Variants in TAFA1 observed in about 807,000 individuals in gnomAD.
TAFA1 encodes TAFA chemokine like family member 1.
Under a neutral mutation model 18.5 loss-of-function variants are expected in TAFA1, and 4 were observed. The ratio of observed to expected loss-of-function variants is 0.22; its 90% confidence interval spans 0.11 to 0.49. TAFA1 has a LOEUF of 0.49. Among genes scored for constraint, TAFA1 ranks in the 20% least tolerant of loss-of-function variants. The probability of loss-of-function intolerance (pLI) is 0.98; values close to 1 mark genes in which losing one functional copy is unlikely to be tolerated. For missense variants in TAFA1, 147 were observed against 169.0 expected (o/e 0.87, Z 0.72); for synonymous variants, 56 against 55.2 (o/e 1.01, Z -0.06).
chr3:68,285,789 T>TA (rs1383721075), intron 2 of TAFA1, among the ~76,000 whole-genome samples: 5 of 152,138 alleles, frequency 3.3e-5, no homozygotes, highest in Non-Finnish European at 7.4e-5. Context: ...GGTGAAATGA[T>TA]AAAAGTAATG....
intron 2 of TAFA1, among the ~76,000 whole-genome samples, chr3:68,207,145 T>A (rs528901878): frequency 6.6e-6 from 1 of 151,906 alleles, no homozygotes; most frequent in Non-Finnish European, 1.5e-5. Flanking sequence ...AAAGCAGTAT[T>A]TTTCAGCCCT....
intron 2 of TAFA1, among the ~76,000 whole-genome samples, chr3:68,118,434 T>C (rs1475620530): frequency 6.6e-6 from 1 of 152,146 alleles, no homozygotes; most frequent in African/African-American, 2.4e-5. Context: ...CACCTCCTGC[T>C]GTATGGCCCG....
intron 2 of TAFA1, among the ~76,000 whole-genome samples, chr3:68,263,581 C>T (rs1321782516): frequency 3.3e-5 from 5 of 151,804 alleles, no homozygotes; most frequent in East Asian, 1.9e-4. Flanking sequence ...CCTATGACCT[C>T]GCTTTACAGA....
At chr3:68,167,472 G>A (rs1267946322) in intron 2 of TAFA1, among the ~76,000 whole-genome samples, 1 of 151,748 alleles carries the variant, frequency 6.6e-6, no homozygotes, top group African/African-American at 2.4e-5. Flanking sequence ...AGCTACTCGG[G>A]AGGCTGAGGC....
intron 2 of TAFA1, among the ~76,000 whole-genome samples, chr3:68,140,123 G>T (rs1252465347): frequency 6.6e-6 from 1 of 152,176 alleles, no homozygotes; most frequent in Non-Finnish European, 1.5e-5. Context: ...AATTGAGGTG[G>T]CCTCAGTTAA....
chr3:68,432,173 T>C (rs1474756655), intron 3 of TAFA1, among the ~76,000 whole-genome samples: 1 of 151,786 alleles, frequency 6.6e-6, no homozygotes, highest in Non-Finnish European at 1.5e-5. Flanking sequence ...TCTTATAAAC[T>C]AGGGAAAAGG....
intron 2 of TAFA1, among the ~76,000 whole-genome samples, chr3:68,131,778 C>T (rs2065541574): frequency 6.6e-6 from 1 of 152,182 alleles, no homozygotes; most frequent in Non-Finnish European, 1.5e-5. Context: ...GGAATCCTGG[C>T]TCTGCCATTT....
upstream of TAFA1, among the ~76,000 whole-genome samples, chr3:68,002,708 T>G (rs1345144763): frequency 6.6e-6 from 1 of 152,202 alleles, no homozygotes; most frequent in African/African-American, 2.4e-5. Flanking sequence ...TTTATCCCAG[T>G]GTTTAAGAAT....
chr3:68,109,850 T>G (rs2065244237), intron 2 of TAFA1, among the ~76,000 whole-genome samples: 4 of 152,206 alleles, frequency 2.6e-5, no homozygotes, highest in Admixed American at 2.6e-4. Flanking sequence ...ATAAGAAGTC[T>G]GATGTTAGAA....
At chr3:68,395,314 G>T (rs1299621730) in intron 2 of TAFA1, among the ~76,000 whole-genome samples, 2 of 152,194 alleles carry the variant, frequency 1.3e-5, no homozygotes, top group African/African-American at 2.4e-5. Flanking sequence ...AGGATGTGGA[G>T]AAATAGGAAC....
At chr3:68,475,642 C>A (rs1380223775) in intron 3 of TAFA1, among the ~76,000 whole-genome samples, 2 of 152,148 alleles carry the variant, frequency 1.3e-5, no homozygotes, top group African/African-American at 4.8e-5. Flanking sequence ...GTCTTTATAG[C>A]AGCATGATTT....
rs1389299936 is a variant in TAFA1 at position 68,191,166 on chromosome 3, T to G, written c.118+184422T>G. Among the ~76,000 whole-genome samples the G allele has an allele frequency of 2.0e-5, 3 of 151,996 alleles. No homozygotes were observed. The East Asian group carries it at 5.8e-4, about 30-fold the overall frequency. On this transcript the variant is annotated intron_variant, in intron 2 of 4. Coordinates refer to ENST00000478136, the MANE Select transcript of TAFA1 (RefSeq NM_213609.4). ...TGTGTCTATCTTGTTTTTGTTTTGTTCTGTCTTTCCATTTTTAAATTCTGT... is the reference window on the plus strand; with the variant it reads ...TGTGTCTATCTTGTTTTTGTTTTGTGCTGTCTTTCCATTTTTAAATTCTGT...
chr3:68,174,560 G>T (rs1250284778), intron 2 of TAFA1, among the ~76,000 whole-genome samples: 1 of 152,174 alleles, frequency 6.6e-6, no homozygotes, highest in Admixed American at 6.5e-5. Flanking sequence ...GCAGCATTTT[G>T]CCCCTGCCCT....
intron 2 of TAFA1, among the ~76,000 whole-genome samples, chr3:68,353,452 T>C (rs2069307180): frequency 6.6e-6 from 1 of 152,114 alleles, no homozygotes; most frequent in Non-Finnish European, 1.5e-5. Flanking sequence ...GTGTGAGCAC[T>C]CTAGTAGTAA....
At chr3:68,470,177 T>C (rs1366634749) in intron 3 of TAFA1, among the ~76,000 whole-genome samples, 1 of 152,232 alleles carries the variant, frequency 6.6e-6, no homozygotes, top group East Asian at 1.9e-4. Context: ...CCTGCTGCCA[T>C]GCAAGACATG....
intron 2 of TAFA1, among the ~76,000 whole-genome samples, chr3:68,210,027 T>C (rs75333682): frequency 0.017 from 2,565 of 152,094 alleles, 68 homozygotes; most frequent in African/African-American, 0.057. Flanking sequence ...TTCCCCTTTT[T>C]CCTGGCCCGG....
At chr3:68,197,376 A>G (rs991252154) in intron 2 of TAFA1, among the ~76,000 whole-genome samples, 1 of 151,652 alleles carries the variant, frequency 6.6e-6, no homozygotes, top group Non-Finnish European at 1.5e-5. Context: ...CCTTTATAAG[A>G]TCAGGTGTAT....
intron 3 of TAFA1, among the ~76,000 whole-genome samples, chr3:68,518,505 T>A (rs2072962457): frequency 6.6e-6 from 1 of 152,234 alleles, no homozygotes; most frequent in Non-Finnish European, 1.5e-5. Context: ...CATATTTATA[T>A]TTAATTGAAC....
chr3:68,251,062 A>G (rs751768026), intron 2 of TAFA1, among the ~76,000 whole-genome samples: 7 of 150,866 alleles, frequency 4.6e-5, no homozygotes, highest in Non-Finnish European at 1.0e-4. Context: ...CAGCCTGTAG[A>G]TTATTGTTAA....
Sources: gnomAD v4.1 joint callset for allele counts (sites outside exome capture counted in the v4.1 genomes callset) on GRCh38, gnomAD v4.1.1 for gene constraint, MANE v1.5 for transcripts, NCBI Gene and HGNC (gene_info 2026-07-23, HGNC 2026-07-21) for gene names.